AGAP3: variants seen among roughly 807,000 people sequenced by gnomAD.
AGAP3 encodes the protein ArfGAP with GTPase domain, ankyrin repeat and PH domain 3.
AGAP3 carries 24 observed loss-of-function variants against 96.9 expected under a neutral mutation model. The ratio of observed to expected loss-of-function variants is 0.25; its 90% CI spans 0.18 to 0.35. AGAP3 has a LOEUF of 0.35. Among genes scored for constraint, AGAP3 ranks in the 10% least tolerant of loss-of-function variants. The pLI, the probability that AGAP3 is intolerant of heterozygous loss-of-function variation, is 1.00. For missense variants in AGAP3, 876 were observed against 1,254.2 expected, an observed-to-expected ratio of 0.70 and a Z score of 4.55; for synonymous variants, 563 against 536.1, an observed-to-expected ratio of 1.05 and a Z score of -0.69.
chr7:151,114,890 CGCCGCCCTGCAG>C lies in AGAP3; in HGVS notation c.332-1894_332-1883del, dbSNP rs924095225. 40 of 1,002,820 alleles carry C rather than the reference CGCCGCCCTGCAG, an allele frequency of 4.0e-5. No homozygotes were observed. The highest frequency in any genetic ancestry group is 4.5e-5 in the Non-Finnish European group (38 of 844,384). The allele number at this position is 1,002,820 out of a possible 1,614,324, so 62.1% of individuals were successfully genotyped here. On this transcript the variant is annotated intron_variant, in intron 1 of 17. Transcript: ENST00000397238. The surrounding 1 kb of genome is among the most constrained non-coding windows in gnomAD (Gnocchi z 4.4). ...ACGGCGCCTCGGCCGGCCGCGCTGCCGCCGCCCTGCAGGCCGCCCTCTGCGCCGCCAGTGAGC... is the reference window on the plus strand; with the variant it reads ...ACGGCGCCTCGGCCGGCCGCGCTGCCGCCGCCCTCTGCGCCGCCAGTGAGC...
chr7:151,143,719 A>G lies in AGAP3; in HGVS notation c.2530-18A>G, dbSNP rs1800911769. On this transcript the variant is annotated intron_variant, in intron 17 of 17. Coordinates refer to ENST00000397238, the MANE Select transcript of AGAP3 (RefSeq NM_031946.7). This position sits in a 1 kb window ranked among gnomAD's most constrained non-coding sequence, Gnocchi z 5.9. ...CTCCCATGTCTTGCCAACTGTCAAC[A>G]TGTGTTTTCTCCTACAGTACGGGGT... The G allele has an allele frequency of 3.1e-6, 5 of 1,613,872 alleles. No individual in the cohort carries two copies. The highest frequency in any genetic ancestry group is 4.2e-6 in the Non-Finnish European group (5 of 1,179,834).
At chr7:151,112,587 C>T (rs951101158) in intron 1 of AGAP3, among the ~76,000 whole-genome samples, 1 of 151,996 alleles carries the variant, frequency 6.6e-6, no homozygotes, top group Non-Finnish European at 1.5e-5. Flanking sequence ...GCTCCCATAG[C>T]TGCTGTCCTG....
chr7:151,138,847 G>A (rs969280541), intron 12 of AGAP3, among the ~76,000 whole-genome samples: 1 of 152,160 alleles, frequency 6.6e-6, no homozygotes, highest in African/African-American at 2.4e-5. Flanking sequence ...GTCCTGAAAG[G>A]TCGTTTTCCA....
intron 1 of AGAP3, among the ~76,000 whole-genome samples, chr7:151,089,208 C>T (rs1197541654): frequency 6.6e-6 from 1 of 152,238 alleles, no homozygotes; most frequent in Non-Finnish European, 1.5e-5. Flanking sequence ...CTATATCCTT[C>T]CTGCGATAGA....
intron 1 of AGAP3, among the ~76,000 whole-genome samples, chr7:151,103,299 G>A (rs1020219130): frequency 1.3e-5 from 2 of 152,210 alleles, no homozygotes; most frequent in Admixed American, 6.5e-5. Context: ...TGGAGCCTGT[G>A]CTGCCACCTT....
At chr7:151,103,811 T>C (rs1387819401) in intron 1 of AGAP3, among the ~76,000 whole-genome samples, 1 of 152,212 alleles carries the variant, frequency 6.6e-6, no homozygotes, top group East Asian at 1.9e-4. Context: ...CCCCATGACA[T>C]GGACTTATTG....
At chr7:151,122,395 C>T (rs959405629) in intron 8 of AGAP3, among the ~76,000 whole-genome samples, 3 of 152,218 alleles carry the variant, frequency 2.0e-5, no homozygotes, top group Non-Finnish European at 4.4e-5. Context: ...TGGCTCCTGG[C>T]AGCCTGGGAG....
intron 8 of AGAP3, among the ~76,000 whole-genome samples, chr7:151,121,602 T>C (rs1359767368): frequency 6.6e-6 from 1 of 152,088 alleles, no homozygotes; most frequent in African/African-American, 2.4e-5. Flanking sequence ...GCCTCCTCCC[T>C]TGCGCCCCGT....
chr7:151,110,807 T>TG (rs941903947), intron 1 of AGAP3, among the ~76,000 whole-genome samples: 8 of 147,670 alleles, frequency 5.4e-5, no homozygotes, highest in African/African-American at 2.0e-4. Context: ...GCTGGGGGAG[T>TG]GGTAAGGAAG....
At chr7:151,122,586 T>TCTCCTC (rs560039891) in intron 8 of AGAP3, 18 of 910,654 alleles carry the variant, frequency 2.0e-5, no homozygotes, top group Middle Eastern at 2.4e-4. Flanking sequence ...TCCTCGTCCT[T>TCTCCTC]CTCCTCCTCC....
At chr7:151,123,755 C>G (rs1166438771) in intron 8 of AGAP3, 39 bp from the exon 9 acceptor site, 6 of 1,610,824 alleles carry the variant, frequency 3.7e-6, no homozygotes, top group Middle Eastern at 1.6e-4. Context: ...CTCGGCAGAC[C>G]CTGGGCCTCT....
Position 151,091,506 on chromosome 7 carries a change from C to A in AGAP3, c.331+4434C>A, listed in dbSNP as rs139873436. Among the ~76,000 whole-genome samples the A allele has an allele frequency of 6.1e-3, 935 of 152,224 alleles. 10 individuals are homozygous for A. The highest frequency in any genetic ancestry group is 0.021 in the African/African-American group (889 of 41,518). On this transcript the variant is annotated intron_variant, in intron 1 of 17. Transcript: ENST00000397238. ...AGACAATCAAAGGAGAGACAGGGAG[C>A]GAAGGGGCCAGAAGGTCTGGGCTTG... is the stretch of plus-strand genomic sequence containing the variant.
intron 1 of AGAP3, among the ~76,000 whole-genome samples, chr7:151,100,079 G>A (rs1798776435): frequency 2.6e-5 from 4 of 152,302 alleles, no homozygotes; most frequent in Admixed American, 6.5e-5. Context: ...GGAAGGACCC[G>A]GGGCTTTGTG....
At chr7:151,090,953 C>A (rs540288917) in intron 1 of AGAP3, among the ~76,000 whole-genome samples, 17 of 152,042 alleles carry the variant, frequency 1.1e-4, no homozygotes, top group Middle Eastern at 3.4e-3. Context: ...CAAAAAAAAA[C>A]AAAAACAAAA....
chr7:151,089,420 C>T (rs1161175445), intron 1 of AGAP3, among the ~76,000 whole-genome samples: 8 of 151,852 alleles, frequency 5.3e-5, no homozygotes, highest in African/African-American at 1.9e-4. Context: ...AGCTGGGAGC[C>T]GGGTCCTGTG....
chr7:151,093,064 C>T (rs1395730305), intron 1 of AGAP3, among the ~76,000 whole-genome samples: 2 of 152,066 alleles, frequency 1.3e-5, no homozygotes, highest in Non-Finnish European at 2.9e-5. Context: ...ATGGGTAGCA[C>T]GGATGTAGCG....
intron 1 of AGAP3, chr7:151,115,591 T>C (rs1334749841): frequency 8.6e-7 from 1 of 1,159,530 alleles, no homozygotes; most frequent in Non-Finnish European, 1.1e-6. Context: ...GCCGCGCCGC[T>C]GTGGGGCCGT....
chr7:151,090,237 G>GGC (rs1554459926), intron 1 of AGAP3: 1 of 43,412 alleles, frequency 2.3e-5, no homozygotes, highest in African/African-American at 2.1e-4. Flanking sequence ...GTTCCCAGAT[G>GGC]GGGGGGGGGG....
Position 151,123,835 on chromosome 7 carries a change from C to G in AGAP3, c.1170C>G (p.Ala390=). 1 of 1,612,526 alleles carries G rather than the reference C, an allele frequency of 6.2e-7. No homozygotes were observed. The highest frequency in any genetic ancestry group is 8.5e-7 in the Non-Finnish European group (1 of 1,179,950). ...GADLDREKKA[A]ECKVDSIGSG... ...ACCTGGACCGGGAGAAGAAGGCTGCCGAGTGCAAGGTGGACAGCATCGGGA... is the reference window on the plus strand; with the variant it reads ...ACCTGGACCGGGAGAAGAAGGCTGCGGAGTGCAAGGTGGACAGCATCGGGA... The change falls in exon 9 of 18, where the codon GCC becomes GCG. Residue 390 remains alanine, a synonymous_variant. Coordinates refer to ENST00000397238, the MANE Select transcript of AGAP3 (RefSeq NM_031946.7).
Sources: gnomAD v4.1 joint callset for allele counts (sites outside exome capture counted in the v4.1 genomes callset) on GRCh38, gnomAD v4.1.1 for gene constraint, Gnocchi (gnomAD v3.1) non-coding constraint, MANE v1.5 for transcripts, NCBI Gene and HGNC (gene_info 2026-07-23, HGNC 2026-07-21) for gene names.